The following CAPN8 variants were observed in gnomAD, a reference collection of about 807,000 sequenced individuals.
CAPN8 encodes calpain-8.
In CAPN8, 87 loss-of-function variants were observed where a neutral mutation model predicts 80.9. That is an observed-to-expected ratio of 1.07 (90% confidence interval 0.90 to 1.28). CAPN8 has a LOEUF of 1.28. Among genes scored for constraint, CAPN8 ranks in the 50% most tolerant of loss-of-function variants. The pLI, the probability that CAPN8 is intolerant of heterozygous loss-of-function variation, is 0.00. For synonymous variants in CAPN8, 299 were observed against 273.8 expected, an observed-to-expected ratio of 1.09 and a Z score of -0.91; for missense variants, 757 against 702.0, an observed-to-expected ratio of 1.08 and a Z score of -0.89.
In CAPN8 at chr1:223,619,529, A is replaced by G. The variant is rs1296051365; in HGVS notation, c.975-76T>C. 2.7e-6 allele frequency: 4 copies of G among 1,497,622 alleles called. No homozygotes were observed. The East Asian group carries it at 9.9e-5, about 37-fold the overall frequency. 92.8% of individuals were successfully genotyped at this position (1,497,622 alleles called of 1,614,324 possible). Reference sequence around the variant, plus strand: ...TAAAGGCACGCATACTGAGCACGGGAAGGAGCCCTGTGGCACAGGCCCTAG... The same window carrying G: ...TAAAGGCACGCATACTGAGCACGGGGAGGAGCCCTGTGGCACAGGCCCTAG... On this transcript the variant is annotated intron_variant, in intron 8 of 20. Coordinates refer to ENST00000366872, the MANE Select transcript of CAPN8 (RefSeq NM_001143962.2).
intron 2 of CAPN8, among the ~76,000 whole-genome samples, chr1:223,648,462 G>A (rs1471937031): frequency 6.6e-6 from 1 of 152,202 alleles, no homozygotes; most frequent in African/African-American, 2.4e-5. Context: ...AGTCCTTGAA[G>A]GATGCTACAG....
chr1:223,633,521 G>A (rs903842560), intron 2 of CAPN8, among the ~76,000 whole-genome samples: 3 of 152,126 alleles, frequency 2.0e-5, no homozygotes, highest in Admixed American at 6.5e-5. Context: ...AATTAGCCAG[G>A]CGTGGTGGCA....
chr1:223,558,326 G>C (rs900559722), intron 12 of CAPN8, among the ~76,000 whole-genome samples, 159 bp from the exon 13 acceptor site: 9 of 152,168 alleles, frequency 5.9e-5, no homozygotes, highest in Non-Finnish European at 1.5e-5. Flanking sequence ...CTTTAGCCAA[G>C]ATTCCTCTCC....
chr1:223,629,016 CCACATGCTGATCATTTCCCCACTCCTA>C (rs533941641), intron 2 of CAPN8: 237 of 511,162 alleles, frequency 4.6e-4, no homozygotes, highest in African/African-American at 4.2e-3. Flanking sequence ...GCCCCCTCCC[CCACATGCTGATCATTTCCCCACTCCTA>C]CACATTCAGC....
Position 223,545,217 on chromosome 1 carries a change from G to T in CAPN8, c.1833+14C>A. ...GAACAGAGGAGAGGATGCCCAGAAG[G>T]AAAAGAGAGTTACCAGATACTTCTG... On this transcript the variant is annotated intron_variant, in intron 17 of 20. Coordinates refer to ENST00000366872, the MANE Select transcript of CAPN8 (RefSeq NM_001143962.2). 1 of 1,551,670 alleles carries T rather than the reference G, an allele frequency of 6.4e-7. No homozygotes were observed. The highest frequency in any genetic ancestry group is 8.7e-7 in the Non-Finnish European group (1 of 1,146,974).
chr1:223,621,395 C>G (rs1465739677), intron 7 of CAPN8, among the ~76,000 whole-genome samples: 1 of 152,064 alleles, frequency 6.6e-6, no homozygotes, highest in Non-Finnish European at 1.5e-5. Context: ...CAGGACTTGA[C>G]AGTCACCACC....
chr1:223,643,903 C>T (rs1220622447), intron 2 of CAPN8, among the ~76,000 whole-genome samples: 1 of 152,072 alleles, frequency 6.6e-6, no homozygotes. Flanking sequence ...ACAGTACTGG[C>T]CAGCATAATG....
At chr1:223,629,007 C>A in intron 2 of CAPN8, 1 of 525,748 alleles carries the variant, frequency 1.9e-6, no homozygotes, top group South Asian at 2.5e-5. Flanking sequence ...CCTGTGGCTG[C>A]CCCCTCCCCC....
intron 2 of CAPN8, among the ~76,000 whole-genome samples, chr1:223,637,129 CT>C (rs1571724257): frequency 6.6e-6 from 1 of 152,344 alleles, no homozygotes; most frequent in Non-Finnish European, 1.5e-5. Flanking sequence ...GAGAGACTGA[CT>C]TTTTGACCTC....
intron 10 of CAPN8, among the ~76,000 whole-genome samples, chr1:223,613,334 C>T (rs368851001): frequency 6.6e-6 from 1 of 152,228 alleles, no homozygotes; most frequent in Non-Finnish European, 1.5e-5. Flanking sequence ...ACCAAAATCA[C>T]CCATGCAGAG....
intron 2 of CAPN8, among the ~76,000 whole-genome samples, chr1:223,652,185 C>G (rs1658360425): frequency 6.6e-6 from 1 of 151,902 alleles, no homozygotes; most frequent in Non-Finnish European, 1.5e-5. Flanking sequence ...CAAAAAACTA[C>G]AAAAAAATTA....
intron 1 of CAPN8, among the ~76,000 whole-genome samples, chr1:223,657,345 G>T (rs1315752350): frequency 3.3e-5 from 5 of 151,952 alleles, no homozygotes; most frequent in African/African-American, 1.2e-4. Flanking sequence ...TAAAAAGAAA[G>T]AGAAAAAAAT....
chr1:223,644,071 A>C (rs1419637485), intron 2 of CAPN8: 1 of 226,710 alleles, frequency 4.4e-6, no homozygotes, highest in Non-Finnish European at 9.0e-6. Flanking sequence ...AAAACAAACT[A>C]TATCCTTCTC....
chr1:223,552,264 A>G (rs990215666), intron 14 of CAPN8, among the ~76,000 whole-genome samples: 1 of 152,120 alleles, frequency 6.6e-6, no homozygotes, highest in Admixed American at 6.5e-5. Flanking sequence ...AGTCCCAATA[A>G]TAAGACCTGA....
At chr1:223,544,217 G>A (rs1439967686) in intron 18 of CAPN8, 34 bp from the exon 19 acceptor site, 4 of 715,802 alleles carry the variant, frequency 5.6e-6, no homozygotes, top group South Asian at 4.4e-5. Context: ...CACAGGTAGA[G>A]TGGAGGACTC....
intron 2 of CAPN8, among the ~76,000 whole-genome samples, chr1:223,645,887 G>A (rs1223243556): frequency 6.6e-6 from 1 of 152,206 alleles, no homozygotes; most frequent in African/African-American, 2.4e-5. Context: ...GCAAAGTAAA[G>A]GGAGAGGGTA....
chr1:223,632,309 A>G (rs781662307), intron 2 of CAPN8, among the ~76,000 whole-genome samples: 10 of 152,194 alleles, frequency 6.6e-5, no homozygotes, highest in African/African-American at 1.2e-4. Flanking sequence ...TGCTGTTCAC[A>G]TTTAGAAACT....
At position 223,611,366 on chromosome 1, in the gene CAPN8, C is replaced by A. The variant is rs149910213; in HGVS notation, c.1323+880G>T. Among the ~76,000 whole-genome samples the A allele has an allele frequency of 3.4e-3, 518 of 152,328 alleles. 3 individuals carry two copies. The highest frequency in any genetic ancestry group is 0.012 in the African/African-American group (485 of 41,570). ...TGGCAACATCCAGAAGTTACTGCCC[C>A]TTTCCATGGCAACAACCTGACAACC... On this transcript the variant is annotated intron_variant, in intron 11 of 20. Coordinates refer to ENST00000366872, the MANE Select transcript of CAPN8 (RefSeq NM_001143962.2).
chr1:223,647,832 A>G (rs1336614800), intron 2 of CAPN8, among the ~76,000 whole-genome samples: 1 of 152,224 alleles, frequency 6.6e-6, no homozygotes, highest in Non-Finnish European at 1.5e-5. Context: ...CATGAACAAA[A>G]GATTTGGAGA....
Sources: gnomAD v4.1 joint callset for allele counts (sites outside exome capture counted in the v4.1 genomes callset) on GRCh38, gnomAD v4.1.1 for gene constraint, MANE v1.5 for transcripts, NCBI Gene and HGNC (gene_info 2026-07-23, HGNC 2026-07-21) for gene names.